RAP1A: variants seen among roughly 807,000 people sequenced by gnomAD.
The protein encoded by RAP1A is RAP1A, member of RAS oncogene family.
Under a neutral mutation model 26.4 loss-of-function variants are expected in RAP1A, and 6 were observed. The ratio of observed to expected loss-of-function variants is 0.23; its 90% confidence interval spans 0.12 to 0.45. RAP1A has a LOEUF of 0.45. Ranked by LOEUF, RAP1A falls within the 20% of genes least tolerant of loss-of-function variation. RAP1A has a pLI of 0.99. For missense variants in RAP1A, 121 were observed against 217.2 expected (o/e 0.56, Z 2.78); for synonymous variants, 73 against 79.4 (o/e 0.92, Z 0.43).
At chr1:111,655,234 GA>G (rs1159571974) in intron 1 of RAP1A, among the ~76,000 whole-genome samples, 2 of 59,052 alleles carry the variant, frequency 3.4e-5, no homozygotes, top group Non-Finnish European at 6.3e-5. Context: ...CAAAATAACT[GA>G]AAAAAAAGAA....
chr1:111,662,113 T>C (rs374560280), intron 1 of RAP1A, among the ~76,000 whole-genome samples: 13 of 152,016 alleles, frequency 8.6e-5, no homozygotes, highest in African/African-American at 3.1e-4. Flanking sequence ...TTAACTTGAT[T>C]GGCCGGGTGT....
chr1:111,627,147 A>C (rs1453469909), intron 1 of RAP1A, among the ~76,000 whole-genome samples: 1 of 152,148 alleles, frequency 6.6e-6, no homozygotes, highest in Non-Finnish European at 1.5e-5. Flanking sequence ...ATTTTGAAAA[A>C]AATGTTAAGT....
chr1:111,685,601 G>A (rs1200804123), intron 1 of RAP1A, among the ~76,000 whole-genome samples: 17 of 152,104 alleles, frequency 1.1e-4, no homozygotes, highest in Non-Finnish European at 2.5e-4. Flanking sequence ...TTAGAATAGC[G>A]ATCATTAAAA....
chr1:111,567,719 C>A (rs1157353299), intron 1 of RAP1A, among the ~76,000 whole-genome samples: 1 of 152,116 alleles, frequency 6.6e-6, no homozygotes, highest in East Asian at 1.9e-4. Flanking sequence ...TCTCTATCTT[C>A]CCCACCACAA....
chr1:111,546,887 A>G (rs544089968), intron 1 of RAP1A, among the ~76,000 whole-genome samples: 2 of 152,300 alleles, frequency 1.3e-5, no homozygotes, highest in Middle Eastern at 3.4e-3. Context: ...CATTCCTACT[A>G]GCAGTTCCCA....
chr1:111,682,036 A>G (rs747119639), intron 1 of RAP1A, among the ~76,000 whole-genome samples: 11 of 152,106 alleles, frequency 7.2e-5, no homozygotes, highest in Non-Finnish European at 1.6e-4. Context: ...AGTGGGGGTC[A>G]GTATTCAGCA....
At chr1:111,619,978 G>A (rs929973615) in intron 1 of RAP1A, 44 bp downstream of exon 1, 5 of 397,084 alleles carry the variant, frequency 1.3e-5, no homozygotes, top group African/African-American at 1.0e-4. Context: ...AGAGGGAGCG[G>A]GGGGCGCGGG....
At chr1:111,593,490 G>A (rs975352194) in intron 1 of RAP1A, among the ~76,000 whole-genome samples, 4 of 151,786 alleles carry the variant, frequency 2.6e-5, no homozygotes, top group African/African-American at 9.7e-5. Context: ...GAGCTGGATC[G>A]CCACCTCAAA....
intron 1 of RAP1A, chr1:111,648,775 A>G (rs1660162526): frequency 6.4e-6 from 4 of 624,560 alleles, no homozygotes; most frequent in Non-Finnish European, 1.2e-5. Flanking sequence ...TGAGACCAGT[A>G]CTTGTCTAGC....
chr1:111,662,489 T>C (rs1290182241), intron 1 of RAP1A, among the ~76,000 whole-genome samples: 1 of 152,132 alleles, frequency 6.6e-6, no homozygotes, highest in Non-Finnish European at 1.5e-5. Context: ...GGGGGTGTTA[T>C]TTCTCTTCAC....
intron 1 of RAP1A, among the ~76,000 whole-genome samples, chr1:111,620,585 C>T (rs906422408): frequency 7.6e-6 from 1 of 130,722 alleles, no homozygotes; most frequent in Non-Finnish European, 1.6e-5. Flanking sequence ...TTCCTTTATT[C>T]CCCCAGTTAA....
At chr1:111,605,245 C>T (rs572294617) in intron 1 of RAP1A, among the ~76,000 whole-genome samples, 10 of 152,104 alleles carry the variant, frequency 6.6e-5, no homozygotes, top group African/African-American at 1.2e-4. Flanking sequence ...TTTACCCGAC[C>T]GATTACCACT....
At chr1:111,666,024 C>T (rs564343930) in intron 1 of RAP1A, among the ~76,000 whole-genome samples, 2 of 152,244 alleles carry the variant, frequency 1.3e-5, no homozygotes, top group East Asian at 1.9e-4. Context: ...GAAGATGGCT[C>T]AATCTGATGA....
At chr1:111,704,074 G>GC (rs956174097) in intron 5 of RAP1A, among the ~76,000 whole-genome samples, 2 of 151,908 alleles carry the variant, frequency 1.3e-5, no homozygotes, top group African/African-American at 4.8e-5. Flanking sequence ...GGGATTACAG[G>GC]CATGAACCAT....
chr1:111,647,331 C>G (rs571824315), intron 1 of RAP1A, among the ~76,000 whole-genome samples: 50 of 152,322 alleles, frequency 3.3e-4, no homozygotes, highest in Admixed American at 3.0e-3. Flanking sequence ...AGGGTTCCCA[C>G]TGATTCTACA....
At chr1:111,547,085 T>C (rs1395141975) in intron 1 of RAP1A, among the ~76,000 whole-genome samples, 1 of 152,204 alleles carries the variant, frequency 6.6e-6, no homozygotes, top group Non-Finnish European at 1.5e-5. Context: ...TGCTAATATA[T>C]AGAAATACAA....
intron 1 of RAP1A, among the ~76,000 whole-genome samples, chr1:111,636,824 C>T (rs780927446): frequency 6.6e-6 from 1 of 152,088 alleles, no homozygotes; most frequent in Non-Finnish European, 1.5e-5. Flanking sequence ...GGTGAGTTGA[C>T]TGGGAATTTC....
chr1:111,551,412 C>T (rs1391273396), intron 1 of RAP1A, among the ~76,000 whole-genome samples: 11 of 152,034 alleles, frequency 7.2e-5, no homozygotes, highest in Admixed American at 6.6e-4. Flanking sequence ...TACTTTTGAG[C>T]TATTTTCTTG....
chr1:111,691,827 A>G (rs948476382), intron 2 of RAP1A, among the ~76,000 whole-genome samples: 16 of 152,204 alleles, frequency 1.1e-4, no homozygotes, highest in African/African-American at 3.9e-4. Context: ...TATTTAGTAC[A>G]TAGTTACTGA....
Sources: gnomAD v4.1 joint callset for allele counts (sites outside exome capture counted in the v4.1 genomes callset) on GRCh38, gnomAD v4.1.1 for gene constraint, MANE v1.5 for transcripts, NCBI Gene and HGNC (gene_info 2026-07-23, HGNC 2026-07-21) for gene names.